Variants in ABLIM2 observed in about 807,000 individuals in gnomAD.
The protein encoded by ABLIM2 is actin-binding LIM protein 2.
A neutral mutation model predicts 97.7 loss-of-function variants in ABLIM2; 53 were observed. That is an observed-to-expected ratio of 0.54 (90% CI 0.44 to 0.68). The LOEUF (loss-of-function observed/expected upper bound fraction) is 0.68. Ranked by LOEUF, ABLIM2 falls within the 30% of genes least tolerant of loss-of-function variation. The pLI is 0.00. For synonymous variants in ABLIM2, 361 were observed against 345.8 expected, an observed-to-expected ratio of 1.04 and a Z score of -0.49; for missense variants, 835 against 867.2, an observed-to-expected ratio of 0.96 and a Z score of 0.47.
At chr4:8,007,990 G>C in intron 16 of ABLIM2, 69 bp downstream of exon 16, 1 of 1,594,464 alleles carries the variant, frequency 6.3e-7, no homozygotes, top group Non-Finnish European at 8.6e-7. Flanking sequence ...ATAGCTCTGA[G>C]TTCTGGGGCC....
In ABLIM2 at chr4:8,123,585, G is replaced by A. The variant is rs1338945926; in HGVS notation, c.11-16948C>T. Among the ~76,000 whole-genome samples the A allele has an allele frequency of 1.3e-5, 2 of 152,250 alleles. No individual in the cohort carries two copies. The highest frequency in any genetic ancestry group is 2.1e-4 in the South Asian group (1 of 4,832). ...TGGCCTGGAGCCCAGGGAAAGCCAGGCCAGGCAGGGGAAACTGGCTGCAGA... is the reference window on the plus strand; with the variant it reads ...TGGCCTGGAGCCCAGGGAAAGCCAGACCAGGCAGGGGAAACTGGCTGCAGA... On this transcript the variant is annotated intron_variant, in intron 1 of 20. Coordinates refer to ENST00000447017, the MANE Select transcript of ABLIM2 (RefSeq NM_001130083.2). This position sits in a 1 kb window ranked among gnomAD's most constrained non-coding sequence, Gnocchi z 6.2.
In ABLIM2 at chr4:7,966,877, C is replaced by CCCCCCGG; in HGVS notation, c.*112_*113insCCGGGGG. The CCCCCCGG allele has an allele frequency of 3.0e-6, 1 of 338,848 alleles. No individual in the cohort carries two copies. 21.0% of individuals were successfully genotyped at this position (338,848 alleles called of 1,614,324 possible). ...TGCTGGGGGACCCCCTCCCGCCCAC[C>CCCCCCGG]CCATGGACACAGAGAAGCCAGAGCA... On this transcript the variant is annotated 3_prime_UTR_variant, in exon 21 of 21. Transcript: ENST00000447017.
At chr4:7,978,077 G>A (rs1256510316) in intron 20 of ABLIM2, among the ~76,000 whole-genome samples, 1 of 152,082 alleles carries the variant, frequency 6.6e-6, no homozygotes, top group Non-Finnish European at 1.5e-5. Context: ...TTTTATGACA[G>A]TTAAGATTTT....
intron 1 of ABLIM2, among the ~76,000 whole-genome samples, chr4:8,136,267 G>A (rs1009176472): frequency 6.6e-6 from 1 of 152,220 alleles, no homozygotes; most frequent in Non-Finnish European, 1.5e-5. Context: ...GAAAGTAGAA[G>A]GGTGGGTGGC....
Position 8,001,877 on chromosome 4 carries a change from C to T in ABLIM2, c.1618+6182G>A, listed in dbSNP as rs1036693758. 1.3e-5 allele frequency among the ~76,000 whole-genome samples: 2 copies of T among 152,204 alleles called. No individual in the cohort carries two copies. Among genetic ancestry groups the T allele is most frequent in the Non-Finnish European group, 2.9e-5 (2 of 68,040 alleles). On this transcript the variant is annotated intron_variant, in intron 16 of 20. Transcript: ENST00000447017. The surrounding 1 kb of genome is among the most constrained non-coding windows in gnomAD (Gnocchi z 4.2). ...ACTTCCTCTGTGGAATCTCCTGCCC[C>T]CCGATGGCACCTTCCCACCTGCCCG...
At position 8,121,998 on chromosome 4, in the gene ABLIM2, G is replaced by A. The variant is rs115766496; in HGVS notation, c.11-15361C>T. ...CAACTCCCTCTCTGGGAGGAGCTGA[G>A]GGGCTGAGCTAGTCCCACCAGGGAC... On this transcript the variant is annotated intron_variant, in intron 1 of 20. Transcript: ENST00000447017. 2.6e-3 allele frequency among the ~76,000 whole-genome samples: 400 copies of A among 152,340 alleles called. 1 individual carries two copies. The highest frequency in any genetic ancestry group is 4.3e-3 in the Non-Finnish European group (293 of 68,030).
intron 16 of ABLIM2, 45 bp downstream of exon 16, chr4:8,008,014 G>A (rs754087060): frequency 3.7e-6 from 6 of 1,603,860 alleles, no homozygotes; most frequent in African/African-American, 1.3e-5. Flanking sequence ...TTGCCGCGAG[G>A]CATTTTGTGC....
rs1272523156 is a variant in ABLIM2 at position 8,016,114 on chromosome 4, G to A, written c.1423+3504C>T. Reference sequence around the variant, plus strand: ...GGCTGGAGTGCAGTGGTGCGATCTCGGCTCACTGCAACCTCTGCCTCCCGG... The same window carrying A: ...GGCTGGAGTGCAGTGGTGCGATCTCAGCTCACTGCAACCTCTGCCTCCCGG... On this transcript the variant is annotated intron_variant, in intron 14 of 20. Transcript: ENST00000447017. 2.9e-5 allele frequency among the ~76,000 whole-genome samples: 4 copies of A among 138,632 alleles called. No homozygotes were observed. The East Asian group carries it at 6.3e-4, about 22-fold the overall frequency. The allele number at this position is 138,632 out of a possible 152,430, so 90.9% of individuals were successfully genotyped here.
rs965811418 is a variant in ABLIM2, at chr4:8,004,876, C to G, written c.1618+3183G>C. Among the ~76,000 whole-genome samples the G allele has an allele frequency of 6.6e-6, 1 of 152,190 alleles. No homozygotes were observed. The highest frequency in any genetic ancestry group is 2.4e-5 in the African/African-American group (1 of 41,458). On this transcript the variant is annotated intron_variant, in intron 16 of 20. Coordinates refer to ENST00000447017, the MANE Select transcript of ABLIM2 (RefSeq NM_001130083.2). The surrounding 1 kb of genome is among the most constrained non-coding windows in gnomAD (Gnocchi z 5.9). The stretch of plus-strand genomic sequence containing the variant: ...ATAAAATATAGATTTCACTATGACG[C>G]CCTCTTTGGAGGGGTGGCAATGCCT...
intron 14 of ABLIM2, among the ~76,000 whole-genome samples, chr4:8,016,499 G>A (rs1178944584): frequency 6.6e-6 from 1 of 152,166 alleles, no homozygotes; most frequent in Non-Finnish European, 1.5e-5. Context: ...TTTTCCAGGG[G>A]AGACAGACTC....
At chr4:7,979,934 T>C (rs1016691945) in intron 20 of ABLIM2, among the ~76,000 whole-genome samples, 8 of 152,170 alleles carry the variant, frequency 5.3e-5, no homozygotes, top group African/African-American at 1.9e-4. Context: ...CCCGCAGATT[T>C]AGAGCCTGAG....
intron 1 of ABLIM2, among the ~76,000 whole-genome samples, chr4:8,107,145 G>A (rs1487533930): frequency 1.3e-5 from 2 of 152,250 alleles, no homozygotes. Flanking sequence ...TTTCCTCTGG[G>A]TCCTGGGACA....
chr4:8,080,616 A>G (rs1311198366), intron 5 of ABLIM2, 60 bp downstream of exon 5: 12 of 1,486,826 alleles, frequency 8.1e-6, no homozygotes, highest in African/African-American at 2.8e-5. Context: ...AGAGTGTGGG[A>G]CCCCCACAGA....
intron 16 of ABLIM2, chr4:8,007,055 T>A (rs1175427809): frequency 2.0e-5 from 20 of 985,266 alleles, no homozygotes; most frequent in Non-Finnish European, 2.3e-5. Context: ...CTTTAACACA[T>A]CATCATTTCC....
At position 8,056,057 on chromosome 4, in the gene ABLIM2, G is replaced by A. The variant is rs1034592489; in HGVS notation, c.764-1811C>T. Among the ~76,000 whole-genome samples the A allele has an allele frequency of 3.8e-5, 5 of 130,368 alleles. No individual in the cohort carries two copies. In the East Asian group the frequency reaches 1.1e-3, roughly 30 times the overall value. The allele number at this position is 130,368 out of a possible 152,430, so 85.5% of individuals were successfully genotyped here. A position where few individuals can be genotyped will look rare whatever the true frequency, so the allele number is the denominator to read the frequency against. Reference sequence around the variant, plus strand: ...GAACTTGGGAGGCAGAGGTTGCAGTGAGCTGAGATTGCACCATTGCATTCC... The same window carrying A: ...GAACTTGGGAGGCAGAGGTTGCAGTAAGCTGAGATTGCACCATTGCATTCC... On this transcript the variant is annotated intron_variant, in intron 7 of 20. Transcript: ENST00000447017.
intron 20 of ABLIM2, 92 bp from the exon 21 acceptor site, chr4:7,967,195 C>T (rs1723550746): frequency 2.8e-6 from 3 of 1,069,650 alleles, no homozygotes; most frequent in African/African-American, 3.1e-5. Context: ...AATCCAGGGG[C>T]AGGATTGCAT....
rs771684745 is a variant in ABLIM2, at chr4:8,005,328, G to A, written c.1618+2731C>T. 1.5e-5 allele frequency: 8 copies of A among 533,062 alleles called. No homozygotes were observed. Among genetic ancestry groups the A allele is most frequent in the East Asian group, 5.4e-5 (1 of 18,366 alleles). 33.0% of individuals were successfully genotyped at this position (533,062 alleles called of 1,614,324 possible). ...CAGAGTGGGTGCTCAATAAATACCC[G>A]TTGAATGTAACGCATTTCAATTCAA... On this transcript the variant is annotated intron_variant, in intron 16 of 20. Transcript: ENST00000447017. The surrounding 1 kb of genome is among the most constrained non-coding windows in gnomAD (Gnocchi z 4.9).
At chr4:8,104,346 G>A (rs753651005) in intron 2 of ABLIM2, among the ~76,000 whole-genome samples, 1 of 152,316 alleles carries the variant, frequency 6.6e-6, no homozygotes, top group East Asian at 1.9e-4. Context: ...CATCCTGGGG[G>A]TGTCCCTGGG....
intron 1 of ABLIM2, among the ~76,000 whole-genome samples, chr4:8,144,665 A>T (rs956973431): frequency 1.3e-5 from 2 of 152,094 alleles, no homozygotes; most frequent in African/African-American, 4.8e-5. Context: ...CTTTGCCTCT[A>T]TGTCCCCGCC....
Sources: allele counts gnomAD v4.1 joint callset (sites outside exome capture counted in the v4.1 genomes callset), GRCh38; gene constraint gnomAD v4.1.1; non-coding constraint Gnocchi (gnomAD v3.1); transcripts MANE v1.5; gene names NCBI Gene and HGNC (gene_info 2026-07-23, HGNC 2026-07-21).